SPIDR: variants seen among roughly 807,000 people sequenced by gnomAD.
The protein encoded by SPIDR is DNA repair-scaffolding protein.
In SPIDR, 93 loss-of-function variants were observed where a neutral mutation model predicts 104.6. The observed-to-expected ratio is 0.89, with a 90% CI of 0.75 to 1.06. SPIDR has a LOEUF of 1.06. SPIDR is among the 50% of genes least tolerant of loss of function. The pLI, the probability that SPIDR is intolerant of heterozygous loss-of-function variation, is 0.00. For synonymous variants in SPIDR, 431 were observed against 416.9 expected, an observed-to-expected ratio of 1.03 and a Z score of -0.41; for missense variants, 1,154 against 1,111.2, an observed-to-expected ratio of 1.04 and a Z score of -0.55.
chr8:47,446,289 G>A (rs781796449), intron 8 of SPIDR, among the ~76,000 whole-genome samples: 3 of 152,018 alleles, frequency 2.0e-5, no homozygotes, highest in African/African-American at 7.2e-5. Context: ...AAATCTACTC[G>A]CTTGTGCTCT....
intron 8 of SPIDR, among the ~76,000 whole-genome samples, chr8:47,583,281 G>T (rs997008777): frequency 4.0e-5 from 6 of 149,408 alleles, no homozygotes; most frequent in Admixed American, 2.0e-4. Flanking sequence ...ACTCCAGCCT[G>T]GGTGACAGAG....
chr8:47,540,661 C>A (rs2087922511), intron 8 of SPIDR, among the ~76,000 whole-genome samples: 1 of 152,130 alleles, frequency 6.6e-6, no homozygotes, highest in Non-Finnish European at 1.5e-5. Flanking sequence ...GTACTACTTA[C>A]CACCCTCTGT....
chr8:47,715,471 C>T (rs1020211329), intron 16 of SPIDR, among the ~76,000 whole-genome samples: 19 of 152,176 alleles, frequency 1.2e-4, no homozygotes, highest in African/African-American at 4.6e-4. Flanking sequence ...GCCACCGCCC[C>T]CAGCCTATTC....
intron 8 of SPIDR, among the ~76,000 whole-genome samples, chr8:47,569,647 A>G (rs147793161): frequency 4.6e-5 from 7 of 152,320 alleles, no homozygotes; most frequent in African/African-American, 1.4e-4. Context: ...ACCCAGGACA[A>G]TTAGGCAAGA....
intron 7 of SPIDR, among the ~76,000 whole-genome samples, chr8:47,431,842 A>T (rs2067416691): frequency 6.6e-6 from 1 of 152,258 alleles, no homozygotes; most frequent in African/African-American, 2.4e-5. Context: ...AAATGTGTCT[A>T]TTCATCATTG....
intron 5 of SPIDR, among the ~76,000 whole-genome samples, chr8:47,308,354 T>C (rs1176810316): frequency 1.3e-5 from 2 of 150,782 alleles, no homozygotes; most frequent in Non-Finnish European, 2.9e-5. Flanking sequence ...TGAGCTACCA[T>C]GCCCGGCCTG....
chr8:47,262,615 G>C (rs2154208870), intron 1 of SPIDR, among the ~76,000 whole-genome samples: 1 of 152,322 alleles, frequency 6.6e-6, no homozygotes, highest in Non-Finnish European at 1.5e-5. Context: ...GAGCAAGAGA[G>C]AGAGCAACAA....
At chr8:47,331,966 T>TC (rs2048770631) in intron 5 of SPIDR, among the ~76,000 whole-genome samples, 1 of 16,374 alleles carries the variant, frequency 6.1e-5, no homozygotes, top group African/African-American at 3.6e-4. Context: ...TTTTTTAAAC[T>TC]TTTTTTTTTT....
At chr8:47,638,414 G>A (rs951792000) in intron 10 of SPIDR, among the ~76,000 whole-genome samples, 2 of 152,150 alleles carry the variant, frequency 1.3e-5, no homozygotes, top group Non-Finnish European at 2.9e-5. Context: ...AAAGTGCTGG[G>A]ATTACAGGCG....
intron 5 of SPIDR, among the ~76,000 whole-genome samples, chr8:47,314,097 T>C (rs781900113): frequency 4.6e-5 from 7 of 152,222 alleles, no homozygotes; most frequent in Non-Finnish European, 1.0e-4. Context: ...CAATATGGCA[T>C]TTATATATGA....
chr8:47,390,193 C>A (rs569431478), intron 5 of SPIDR, among the ~76,000 whole-genome samples: 1 of 152,158 alleles, frequency 6.6e-6, no homozygotes, highest in Non-Finnish European at 1.5e-5. Flanking sequence ...AGCACAGGGT[C>A]TCTACAGAGC....
chr8:47,618,949 A>G (rs2064739304), intron 10 of SPIDR, among the ~76,000 whole-genome samples: 1 of 152,266 alleles, frequency 6.6e-6, no homozygotes. Context: ...AAAGTGCCAT[A>G]GGCACTAATG....
At chr8:47,679,666 C>T (rs1039238880) in intron 11 of SPIDR, among the ~76,000 whole-genome samples, 7 of 152,250 alleles carry the variant, frequency 4.6e-5, no homozygotes, top group South Asian at 2.1e-4. Context: ...CCATGTGCTG[C>T]GCCACTGGGC....
chr8:47,360,469 A>G (rs1030778738), intron 5 of SPIDR, among the ~76,000 whole-genome samples: 1 of 152,048 alleles, frequency 6.6e-6, no homozygotes, highest in Non-Finnish European at 1.5e-5. Context: ...TATTTTAACT[A>G]TATTACAGAA....
chr8:47,626,068 C>G (rs1391770727), intron 10 of SPIDR, among the ~76,000 whole-genome samples: 1 of 152,102 alleles, frequency 6.6e-6, no homozygotes, highest in African/African-American at 2.4e-5. Flanking sequence ...GAACAGAGCC[C>G]TCAGAAATAA....
chr8:47,301,271 C>T (rs1380279730), intron 5 of SPIDR, among the ~76,000 whole-genome samples: 3 of 152,106 alleles, frequency 2.0e-5, no homozygotes, highest in African/African-American at 7.2e-5. Context: ...ATTGAAACCC[C>T]TGCCTTTTTT....
Position 47,713,535 on chromosome 8 carries a change from C to T in SPIDR, c.2235C>T (p.Pro745=), listed in dbSNP as rs1343822229. 1.9e-6 allele frequency: 3 copies of T among 1,613,994 alleles called. No individual in the cohort carries two copies. Among genetic ancestry groups the T allele is most frequent in the African/African-American group, 2.7e-5 (2 of 74,896 alleles). Residue 745 remains proline, a synonymous_variant, in exon 16 of 20, where the codon CCC becomes CCT. Transcript: ENST00000297423. ...GAACTGTCCTCTTGCTTCAGAAGCC[C>T]CTTTTGAGTGTGGTCTCTGGTGCAA... is the stretch of plus-strand genomic sequence containing the variant. The part of the protein sequence containing the change: ...AERTVLLLQK[P]LLSVVSGASS...
chr8:47,359,113 A>AC (rs1231967932), intron 5 of SPIDR, among the ~76,000 whole-genome samples: 1 of 151,478 alleles, frequency 6.6e-6, no homozygotes, highest in Non-Finnish European at 1.5e-5. Context: ...GTTTTTTTTT[A>AC]CGGGCGCCTG....
chr8:47,653,953 G>C, intron 10 of SPIDR: 1 of 1,233,312 alleles, frequency 8.1e-7, no homozygotes, highest in Non-Finnish European at 1.0e-6. Flanking sequence ...ATAAGACATG[G>C]AGTTTCAGTT....
Sources: gnomAD v4.1 joint callset for allele counts (sites outside exome capture counted in the v4.1 genomes callset) on GRCh38, gnomAD v4.1.1 for gene constraint, MANE v1.5 for transcripts, NCBI Gene and HGNC (gene_info 2026-07-23, HGNC 2026-07-21) for gene names.